The following TSPAN17 variants were observed in gnomAD, a reference collection of about 807,000 sequenced individuals.
TSPAN17 encodes the protein tetraspanin-17.
A neutral mutation model predicts 40.5 loss-of-function variants in TSPAN17; 33 were observed. The observed-to-expected ratio is 0.81, with a 90% CI of 0.62 to 1.09. The LOEUF (loss-of-function observed/expected upper bound fraction) is 1.09. Among genes scored for constraint, TSPAN17 ranks in the 50% least tolerant of loss-of-function variants. The pLI is 0.00. For missense variants in TSPAN17, 365 were observed against 416.8 expected, an observed-to-expected ratio of 0.88 and a Z score of 1.08; for synonymous variants, 166 against 169.4, an observed-to-expected ratio of 0.98 and a Z score of 0.15.
chr5:176,657,609 A>G lies in TSPAN17; in HGVS notation c.901A>G (p.Thr301Ala). The change falls in exon 9 of 9, where the codon ACT (threonine) becomes GCT (alanine). Residue 301 changes from threonine (T) to alanine (A), a missense_variant. By Grantham distance (58) the Thr-to-Ala change is moderately conservative. Coordinates refer to ENST00000508164, the MANE Select transcript of TSPAN17 (RefSeq NM_130465.5). ...GGCGGGGCCTCAGCAGAACTCTCTG[A>G]CTGGGGCCCCTGGCCCGGCCCCACC... Reference protein sequence around the residue: ...STAGPQQNSLTGAPGPAPPSR... With the variant: ...STAGPQQNSLAGAPGPAPPSR... 1 of 1,613,752 alleles carries G rather than the reference A, an allele frequency of 6.2e-7. No homozygotes were observed. Among genetic ancestry groups the G allele is most frequent in the Non-Finnish European group, 8.5e-7 (1 of 1,179,900 alleles).
chr5:176,656,719 T>TCATC lies in TSPAN17; in HGVS notation c.653_656dup (p.Thr220ProfsTer10). ...CCCCAGGAGCTGGAGCAGCAGGGCT[T>TCATC]CATCCACACCAAAGGCTGCGTGGGC... On this transcript the variant is annotated frameshift_variant, in exon 7 of 9. Transcript: ENST00000508164. LOFTEE classifies it high-confidence loss of function. 1 of 1,614,148 alleles carries TCATC rather than the reference T, an allele frequency of 6.2e-7. No homozygotes were observed. Among genetic ancestry groups the TCATC allele is most frequent in the Non-Finnish European group, 8.5e-7 (1 of 1,179,998 alleles).
intron 8 of TSPAN17, chr5:176,657,226 G>T: frequency 3.2e-6 from 2 of 623,978 alleles, no homozygotes; most frequent in Non-Finnish European, 5.5e-6. Context: ...GCTACATTTG[G>T]GGTGGTGGAC....
rs193232738 is a variant in TSPAN17 at position 176,657,529 on chromosome 5, A to C, written c.821A>C (p.Asn274Thr). The C allele has an allele frequency of 1.9e-5, 31 of 1,592,218 alleles. No homozygotes were observed. The Admixed American group carries it at 3.9e-4, about 20-fold the overall frequency. The change falls in exon 9 of 9, where the codon AAT becomes ACT. Residue 274 changes from asparagine (N) to threonine (T), a missense_variant. Transcript: ENST00000508164. ...KAVKANWSKWNDDFENHWLTP... is the reference protein window; with the variant it reads ...KAVKANWSKWTDDFENHWLTP... ...TGCTTGCCTCTCAGGAGCAAATGGA[A>C]TGATGACTTTGAAAACCACTGGCTT...
At position 176,656,976 on chromosome 5, in the gene TSPAN17, T is replaced by C. The variant is rs201047148; in HGVS notation, c.809+20T>C. On this transcript the variant is annotated intron_variant, in intron 8 of 8. Coordinates refer to ENST00000508164, the MANE Select transcript of TSPAN17 (RefSeq NM_130465.5). ...CAACTGGTGAGGCCGCCAGAGGCCA[T>C]GGCCACATGCCTGGCCTACGCAGGC... The C allele has an allele frequency of 1.9e-3, 2,982 of 1,610,512 alleles. 4 individuals are homozygous for C. Among genetic ancestry groups the C allele is most frequent in the Non-Finnish European group, 2.3e-3 (2,733 of 1,177,746 alleles).
rs145771965 is a variant in TSPAN17, at chr5:176,652,952, G to A, written c.456+39G>A. 2,050 of 1,603,576 alleles carry A rather than the reference G, an allele frequency of 1.3e-3. 59 individuals are homozygous for A. In the East Asian group the frequency reaches 0.033, roughly 26 times the overall value. On this transcript the variant is annotated intron_variant, in intron 4 of 8. Transcript: ENST00000508164. ...CCAGCCTGGGACACCTGTAGGAGGC[G>A]CCTTCCTGGCAGACGAATGAGGGAG...
chr5:176,653,067 C>G, intron 4 of TSPAN17, 154 bp downstream of exon 4: 1 of 747,284 alleles, frequency 1.3e-6, no homozygotes, highest in Non-Finnish European at 2.2e-6. Context: ...CCGAGGAGAG[C>G]CAGCCCCTGC....
rs138113074 is a variant in TSPAN17 at position 176,655,005 on chromosome 5, C to T, written c.567C>T (p.Cys189=). 5.6e-5 allele frequency: 90 copies of T among 1,606,910 alleles called. No individual in the cohort carries two copies. The African/African-American group carries it at 8.4e-4, about 15-fold the overall frequency. ...RERCGVPFSC[C]VRDPAEDVLN... The stretch of plus-strand genomic sequence containing the variant: ...GCTGCGGGGTGCCCTTCTCCTGCTG[C>T]GTCAGGGACCCTGCGGTGAGTGGGG... Residue 189 remains cysteine (C), a synonymous_variant, in exon 5 of 9, where the codon TGC becomes TGT. Transcript: ENST00000508164.
In TSPAN17 at chr5:176,647,711, G is replaced by A. The variant is rs1431981054; in HGVS notation, c.87+9G>A. On this transcript the variant is annotated intron_variant, in intron 1 of 8. Coordinates refer to ENST00000508164, the MANE Select transcript of TSPAN17 (RefSeq NM_130465.5). ...TCAACATTGTCTTCTGGGTGAGCGC[G>A]GGGTCTGCGCCTTGCCCTGTGCTGG... 1.3e-6 allele frequency: 2 copies of A among 1,581,626 alleles called. No individual in the cohort carries two copies. The highest frequency in any genetic ancestry group is 2.4e-5 in the East Asian group (1 of 42,428).
At chr5:176,653,003 C>T in intron 4 of TSPAN17, 90 bp downstream of exon 4, 1 of 1,411,816 alleles carries the variant, frequency 7.1e-7, no homozygotes, top group East Asian at 2.3e-5. Context: ...GGGACCATCT[C>T]CTTACCCACC....
rs1561588748 is a variant in TSPAN17, at chr5:176,656,741, G to A, written c.672G>A (p.Val224=). The A allele has an allele frequency of 6.2e-7, 1 of 1,614,070 alleles. No homozygotes were observed. Among genetic ancestry groups the A allele is most frequent in the African/African-American group, 1.3e-5 (1 of 74,934 alleles). ...GCTTCATCCACACCAAAGGCTGCGT[G>A]GGCCAGTTTGAGAAGTGGCTGCAGG... The part of the protein sequence containing the change: ...QQGFIHTKGC[V]GQFEKWLQDN... Residue 224 remains valine, a synonymous_variant, in exon 7 of 9, where the codon GTG becomes GTA. Coordinates refer to ENST00000508164, the MANE Select transcript of TSPAN17 (RefSeq NM_130465.5).
chr5:176,656,981 A>T, intron 8 of TSPAN17, 25 bp downstream of exon 8: 2 of 1,609,628 alleles, frequency 1.2e-6, no homozygotes, highest in Non-Finnish European at 1.7e-6. Flanking sequence ...GGCCATGGCC[A>T]CATGCCTGGC....
intron 8 of TSPAN17, 191 bp from the exon 9 acceptor site, chr5:176,657,324 GCCC>G: frequency 9.9e-7 from 1 of 1,009,356 alleles, no homozygotes; most frequent in Non-Finnish European, 1.4e-6. Flanking sequence ...CCCGTTCCCT[GCCC>G]CCCAGTGCTG....
rs1249962922 is a variant in TSPAN17 at position 176,651,286 on chromosome 5, A to C, written c.88-330A>C. 6.6e-6 allele frequency among the ~76,000 whole-genome samples: 1 copy of C among 151,958 alleles called. No homozygotes were observed. The highest frequency in any genetic ancestry group is 6.5e-5 in the Admixed American group (1 of 15,272). ...TCGGTCAGGTGTAGAGGCTCAGTATACTGGCGCCGTCGCTACCCCCGCTGA... is the reference window on the plus strand; with the variant it reads ...TCGGTCAGGTGTAGAGGCTCAGTATCCTGGCGCCGTCGCTACCCCCGCTGA... On this transcript the variant is annotated intron_variant, in intron 1 of 8. Coordinates refer to ENST00000508164, the MANE Select transcript of TSPAN17 (RefSeq NM_130465.5). The surrounding 1 kb of genome is among the most constrained non-coding windows in gnomAD (Gnocchi z 4.5).
At position 176,659,041 on chromosome 5, in the gene TSPAN17, A is replaced by C. The variant is rs1761262941; in HGVS notation, c.*1343A>C. On this transcript the variant is annotated 3_prime_UTR_variant, in exon 9 of 9. Transcript: ENST00000508164. ...GGTTTGTACATGCTACAATAAATGC[A>C]GCTGGCAGCATTGTGCATGTGTCTT... The C allele has an allele frequency of 6.6e-6, 1 of 152,250 alleles. No homozygotes were observed. The highest frequency in any genetic ancestry group is 1.5e-5 in the Non-Finnish European group (1 of 68,046). The allele number at this position is 152,250 out of a possible 1,614,324, so 9.4% of individuals were successfully genotyped here.
In TSPAN17 at chr5:176,650,007, G is replaced by C. The variant is rs752649849; in HGVS notation, c.88-1609G>C. Among the ~76,000 whole-genome samples, 1 of 152,204 alleles carries C rather than the reference G, an allele frequency of 6.6e-6. No individual in the cohort carries two copies. Among genetic ancestry groups the C allele is most frequent in the Non-Finnish European group, 1.5e-5 (1 of 68,022 alleles). ...CGTCGCCCCGCTCGATATTTGTTAA[G>C]GGGTCTGTTTGCATCTGAGGTTTCC... On this transcript the variant is annotated intron_variant, in intron 1 of 8. Coordinates refer to ENST00000508164, the MANE Select transcript of TSPAN17 (RefSeq NM_130465.5). The surrounding 1 kb of genome is among the most constrained non-coding windows in gnomAD (Gnocchi z 4.0).
At chr5:176,655,041 A>T (rs1480767168) in intron 5 of TSPAN17, 21 bp downstream of exon 5, 1 of 1,588,294 alleles carries the variant, frequency 6.3e-7, no homozygotes, top group African/African-American at 1.3e-5. Context: ...CTGGGGGAGG[A>T]GAGGTAAGGG....
At chr5:176,649,209 G>A (rs1760866154) in intron 1 of TSPAN17, among the ~76,000 whole-genome samples, 1 of 152,102 alleles carries the variant, frequency 6.6e-6, no homozygotes, top group South Asian at 2.1e-4. Context: ...GCAAAGCTGG[G>A]ATGGTGAGGT....
chr5:176,653,212 A>C, intron 4 of TSPAN17: 1 of 267,348 alleles, frequency 3.7e-6, no homozygotes, highest in East Asian at 7.0e-5. Flanking sequence ...GTGACATAAA[A>C]TATAGATTTC....
intron 4 of TSPAN17, chr5:176,653,266 G>A (rs1472737304): frequency 4.9e-6 from 1 of 205,518 alleles, no homozygotes; most frequent in Non-Finnish European, 1.0e-5. Flanking sequence ...CTGCAGCTAT[G>A]TTGCTGCTGC....
Sources: allele counts gnomAD v4.1 joint callset (sites outside exome capture counted in the v4.1 genomes callset), GRCh38; gene constraint gnomAD v4.1.1; non-coding constraint Gnocchi (gnomAD v3.1); transcripts MANE v1.5; gene names NCBI Gene and HGNC (gene_info 2026-07-23, HGNC 2026-07-21).